The following ERBB4 variants were observed in gnomAD, a reference collection of about 807,000 sequenced individuals.
ERBB4 encodes receptor tyrosine-protein kinase erbB-4.
Under a neutral mutation model 158.0 loss-of-function variants are expected in ERBB4, and 42 were observed. The observed-to-expected ratio is 0.27, with a 90% CI of 0.21 to 0.34. The LOEUF is 0.34. Ranked by LOEUF, ERBB4 falls within the 10% of genes least tolerant of loss-of-function variation. ERBB4 has a pLI of 1.00. For missense variants in ERBB4, 1,333 were observed against 1,624.1 expected (o/e 0.82, Z 3.08); for synonymous variants, 583 against 558.7 (o/e 1.04, Z -0.61).
At chr2:211,449,547 T>A (rs552996047) in intron 20 of ERBB4, among the ~76,000 whole-genome samples, 1 of 152,306 alleles carries the variant, frequency 6.6e-6, no homozygotes, top group East Asian at 1.9e-4. Context: ...TCATATGCAA[T>A]TTAGATTAAA....
chr2:212,200,642 T>C (rs2082562813), intron 1 of ERBB4, among the ~76,000 whole-genome samples: 1 of 152,208 alleles, frequency 6.6e-6, no homozygotes, highest in African/African-American at 2.4e-5. Context: ...GCCAACTGGA[T>C]AGCAACTTTG....
At chr2:211,928,026 C>T (rs1405605325) in intron 3 of ERBB4, among the ~76,000 whole-genome samples, 1 of 151,864 alleles carries the variant, frequency 6.6e-6, no homozygotes, top group Non-Finnish European at 1.5e-5. Flanking sequence ...ATTTAAGTAC[C>T]ATATTTTCCA....
intron 19 of ERBB4, among the ~76,000 whole-genome samples, chr2:211,593,990 T>C: frequency 6.6e-6 from 1 of 152,148 alleles, no homozygotes; most frequent in African/African-American, 2.4e-5. Context: ...ACTCACAACC[T>C]GGTATCTCTC....
chr2:211,951,524 T>C (rs1480208362), intron 2 of ERBB4, among the ~76,000 whole-genome samples: 1 of 152,144 alleles, frequency 6.6e-6, no homozygotes, highest in Non-Finnish European at 1.5e-5. Flanking sequence ...AAGAAAATCT[T>C]TGTATTTGCA....
In ERBB4 at chr2:211,715,579, T is replaced by C. The variant is rs541805391; in HGVS notation, c.884-1931A>G. Reference sequence around the variant, plus strand: ...GACCTGGAGGGAGGTGAATGAATCATGGGGGTGGCTTCTCATGGTTTAACA... The same window carrying C: ...GACCTGGAGGGAGGTGAATGAATCACGGGGGTGGCTTCTCATGGTTTAACA... On this transcript the variant is annotated intron_variant, in intron 7 of 27. Coordinates refer to ENST00000342788, the MANE Select transcript of ERBB4 (RefSeq NM_005235.3). 9.2e-5 allele frequency among the ~76,000 whole-genome samples: 14 copies of C among 152,238 alleles called. No homozygotes were observed. In the South Asian group the frequency reaches 2.7e-3, roughly 29 times the overall value.
chr2:212,391,189 T>C (rs1270781693), intron 1 of ERBB4, among the ~76,000 whole-genome samples: 1 of 151,762 alleles, frequency 6.6e-6, no homozygotes, highest in Non-Finnish European at 1.5e-5. Context: ...CCAATAAAAT[T>C]GTTTCTTTTA....
At chr2:211,670,101 C>T (rs529710326) in intron 14 of ERBB4, among the ~76,000 whole-genome samples, 4 of 152,110 alleles carry the variant, frequency 2.6e-5, no homozygotes, top group Non-Finnish European at 1.5e-5. Flanking sequence ...TTCATCAAAA[C>T]GCCAGTCTAA....
chr2:211,498,292 A>G (rs1415294420), intron 20 of ERBB4, among the ~76,000 whole-genome samples: 1 of 152,120 alleles, frequency 6.6e-6, no homozygotes, highest in East Asian at 1.9e-4. Context: ...TATTCTAGGT[A>G]TTCAACACCC....
chr2:211,753,005 T>C (rs142638451), intron 4 of ERBB4, among the ~76,000 whole-genome samples: 134 of 152,340 alleles, frequency 8.8e-4, no homozygotes, highest in African/African-American at 3.1e-3. Flanking sequence ...TAACTTTCTC[T>C]CTGGAGCCTT....
chr2:212,306,431 C>G (rs1453307211), intron 1 of ERBB4, among the ~76,000 whole-genome samples: 5 of 151,422 alleles, frequency 3.3e-5, no homozygotes, highest in Admixed American at 1.3e-4. Context: ...GAACAGTCAG[C>G]CATGGACACT....
chr2:211,496,547 A>G (rs916570876), intron 20 of ERBB4, among the ~76,000 whole-genome samples: 1 of 151,972 alleles, frequency 6.6e-6, no homozygotes, highest in African/African-American at 2.4e-5. Flanking sequence ...CTAAAAAAAA[A>G]AAAATCCAAA....
In ERBB4 at chr2:212,094,792, T is replaced by A. The variant is rs576459180; in HGVS notation, c.234+29960A>T. Among the ~76,000 whole-genome samples the A allele has an allele frequency of 7.9e-5, 12 of 152,284 alleles. No individual in the cohort carries two copies. The South Asian group carries it at 1.9e-3, about 24-fold the overall frequency. On this transcript the variant is annotated intron_variant, in intron 2 of 27. Coordinates refer to ENST00000342788, the MANE Select transcript of ERBB4 (RefSeq NM_005235.3). Reference sequence around the variant, plus strand: ...TAAATTATACAGTCTCAGGTATTCCTTGATAAAGACACAAAATGGACTAAC... The same window carrying A: ...TAAATTATACAGTCTCAGGTATTCCATGATAAAGACACAAAATGGACTAAC...
intron 19 of ERBB4, among the ~76,000 whole-genome samples, chr2:211,610,995 A>T (rs953992316): frequency 2.0e-4 from 31 of 152,074 alleles, no homozygotes; most frequent in Admixed American, 6.5e-5. Flanking sequence ...CTTGTCAAGC[A>T]CTTTGTCTTA....
chr2:211,576,104 A>AT (rs11370031), intron 19 of ERBB4, among the ~76,000 whole-genome samples: 114,685 of 151,842 alleles, frequency 0.76, 45,339 homozygotes, highest in East Asian at 0.89. Context: ...ATTATTTTAT[A>AT]TTTTTAATAT....
At chr2:211,714,676 G>A in intron 7 of ERBB4, among the ~76,000 whole-genome samples, 1 of 152,178 alleles carries the variant, frequency 6.6e-6, no homozygotes, top group East Asian at 1.9e-4. Context: ...AACAGCTTTT[G>A]ACATGCTTCT....
chr2:211,464,725 T>G (rs1026928387), intron 20 of ERBB4, among the ~76,000 whole-genome samples: 1 of 152,092 alleles, frequency 6.6e-6, no homozygotes, highest in Non-Finnish European at 1.5e-5. Context: ...CACTACTAAA[T>G]AAATATGAGC....
intron 1 of ERBB4, among the ~76,000 whole-genome samples, chr2:212,131,256 G>A (rs1174768959): frequency 3.3e-5 from 5 of 151,812 alleles, no homozygotes; most frequent in African/African-American, 1.2e-4. Context: ...TAATGTCCAG[G>A]ATTTCCTATT....
intron 19 of ERBB4, among the ~76,000 whole-genome samples, chr2:211,591,020 C>T (rs2125791826): frequency 6.6e-6 from 1 of 152,364 alleles, no homozygotes; most frequent in Admixed American, 6.5e-5. Context: ...ACTGACTACA[C>T]TTTCCCTGTA....
intron 3 of ERBB4, among the ~76,000 whole-genome samples, chr2:211,920,691 T>C (rs947604293): frequency 2.7e-5 from 4 of 149,584 alleles, no homozygotes; most frequent in Non-Finnish European, 4.4e-5. Context: ...AAACTGTTGA[T>C]ATTTCTTGGA....
Sources: allele counts gnomAD v4.1 joint callset (sites outside exome capture counted in the v4.1 genomes callset), GRCh38; gene constraint gnomAD v4.1.1; transcripts MANE v1.5; gene names NCBI Gene and HGNC (gene_info 2026-07-23, HGNC 2026-07-21).